The following SGCZ variants were observed in gnomAD, a reference collection of about 807,000 sequenced individuals.
SGCZ encodes the protein zeta-sarcoglycan.
Under a neutral mutation model 41.3 loss-of-function variants are expected in SGCZ, and 40 were observed. That is an observed-to-expected ratio of 0.97 (90% CI 0.75 to 1.26). The LOEUF (loss-of-function observed/expected upper bound fraction) is 1.26, where lower values mean the gene tolerates loss of function less well. Ranked by LOEUF, SGCZ falls within the 50% of genes most tolerant of loss-of-function variation. The probability of loss-of-function intolerance (pLI) is 0.00; values close to 1 mark genes in which losing one functional copy is unlikely to be tolerated. For synonymous variants in SGCZ, 206 were observed against 137.5 expected (o/e 1.50, Z -3.49); for missense variants, 552 against 369.8 (o/e 1.49, Z -4.04).
intron 2 of SGCZ, among the ~76,000 whole-genome samples, chr8:14,340,753 G>A (rs1333414122): frequency 6.6e-6 from 1 of 152,020 alleles, no homozygotes; most frequent in Non-Finnish European, 1.5e-5. Context: ...ATTCTTTTTG[G>A]AGGTAACATG....
Position 14,294,773 on chromosome 8 carries a change from T to C in SGCZ, c.336+29330A>G, listed in dbSNP as rs568589717. Among the ~76,000 whole-genome samples, 27 of 152,132 alleles carry C rather than the reference T, an allele frequency of 1.8e-4. 1 individual carries two copies. The South Asian group carries it at 5.6e-3, about 32-fold the overall frequency. On this transcript the variant is annotated intron_variant, in intron 3 of 7. Coordinates refer to ENST00000382080, the MANE Select transcript of SGCZ (RefSeq NM_139167.4). Reference sequence around the variant, plus strand: ...TGAGAAAAATATTCCAACAAAGATATCTATCATCTAAAACATAGATGTCAC... The same window carrying C: ...TGAGAAAAATATTCCAACAAAGATACCTATCATCTAAAACATAGATGTCAC...
chr8:14,593,001 G>GT (rs1805288280), intron 1 of SGCZ, among the ~76,000 whole-genome samples: 1 of 152,126 alleles, frequency 6.6e-6, no homozygotes, highest in Admixed American at 6.5e-5. Context: ...CTCTGACTTA[G>GT]TGCCTTTACA....
chr8:15,218,040 C>T (rs975993738), intron 1 of SGCZ, among the ~76,000 whole-genome samples: 8 of 152,116 alleles, frequency 5.3e-5, no homozygotes, highest in Non-Finnish European at 1.0e-4. Context: ...GGTAAACATA[C>T]ATGCAATAAA....
chr8:14,851,098 A>T (rs139079360), intron 1 of SGCZ, among the ~76,000 whole-genome samples: 3 of 152,256 alleles, frequency 2.0e-5, no homozygotes, highest in East Asian at 1.9e-4. Flanking sequence ...GGCTGGGCGC[A>T]GTGGCTCACA....
intron 2 of SGCZ, among the ~76,000 whole-genome samples, chr8:14,499,546 T>G (rs555858149): frequency 6.6e-6 from 1 of 152,208 alleles, no homozygotes; most frequent in East Asian, 1.9e-4. Context: ...TTGAATTTAT[T>G]ACAATTCATG....
intron 2 of SGCZ, among the ~76,000 whole-genome samples, chr8:14,427,029 T>C (rs1799801060): frequency 7.8e-6 from 1 of 128,804 alleles, no homozygotes; most frequent in Non-Finnish European, 1.6e-5. Flanking sequence ...CCAGTAACAT[T>C]AAATGAATGA....
At chr8:15,047,028 A>T (rs1028922238) in intron 1 of SGCZ, among the ~76,000 whole-genome samples, 5 of 152,066 alleles carry the variant, frequency 3.3e-5, no homozygotes, top group Admixed American at 6.6e-5. Flanking sequence ...AGATTTACAT[A>T]AATTAATGTA....
At chr8:14,501,759 T>C (rs941522130) in intron 2 of SGCZ, among the ~76,000 whole-genome samples, 1 of 152,044 alleles carries the variant, frequency 6.6e-6, no homozygotes, top group Non-Finnish European at 1.5e-5. Context: ...TAGCAGACTA[T>C]TCCCTCCAAA....
At chr8:14,558,109 A>C (rs1284307942) in intron 1 of SGCZ, among the ~76,000 whole-genome samples, 1 of 152,152 alleles carries the variant, frequency 6.6e-6, no homozygotes, top group Non-Finnish European at 1.5e-5. Context: ...TTCCTAGTTT[A>C]ATTCAGGAAG....
At chr8:14,522,329 T>A (rs546940216) in intron 2 of SGCZ, among the ~76,000 whole-genome samples, 2 of 152,182 alleles carry the variant, frequency 1.3e-5, no homozygotes, top group East Asian at 3.9e-4. Context: ...TGTTAATTCT[T>A]TTTTGAATAT....
chr8:15,155,341 T>A (rs904278032), intron 1 of SGCZ, among the ~76,000 whole-genome samples: 1 of 152,216 alleles, frequency 6.6e-6, no homozygotes, highest in Non-Finnish European at 1.5e-5. Context: ...TATGCTATCA[T>A]AATTATCCTG....
chr8:14,927,450 A>G (rs1171005708), intron 1 of SGCZ, among the ~76,000 whole-genome samples: 1 of 152,096 alleles, frequency 6.6e-6, no homozygotes, highest in Admixed American at 6.5e-5. Flanking sequence ...AACACTTCAA[A>G]AGTGGATTTT....
chr8:14,367,709 A>G (rs1381942660), intron 2 of SGCZ, among the ~76,000 whole-genome samples: 3 of 151,990 alleles, frequency 2.0e-5, no homozygotes, highest in Non-Finnish European at 4.4e-5. Context: ...ACTCCCTATC[A>G]CGGGAATATC....
At chr8:14,393,702 G>A (rs1048724764) in intron 2 of SGCZ, among the ~76,000 whole-genome samples, 44 of 152,096 alleles carry the variant, frequency 2.9e-4, no homozygotes, top group African/African-American at 1.0e-3. Flanking sequence ...TTCCTCCTGT[G>A]CCCATGTTCT....
In SGCZ at chr8:14,752,560, C is replaced by T. The variant is rs541193654; in HGVS notation, c.40-197634G>A. ...TTGGTCTATAAGCTCTGTGACAGTA[C>T]GCACTCTCCTGTACATCACCATATT... On this transcript the variant is annotated intron_variant, in intron 1 of 7. Transcript: ENST00000382080. 5.9e-5 allele frequency among the ~76,000 whole-genome samples: 9 copies of T among 152,184 alleles called. No homozygotes were observed. The South Asian group carries it at 6.2e-4, about 11-fold the overall frequency.
intron 1 of SGCZ, among the ~76,000 whole-genome samples, chr8:14,852,680 T>A (rs1803376004): frequency 6.6e-6 from 1 of 152,210 alleles, no homozygotes; most frequent in African/African-American, 2.4e-5. Flanking sequence ...CCATTTTTGT[T>A]CATATTTAGT....
At chr8:14,468,285 A>G (rs573313793) in intron 2 of SGCZ, among the ~76,000 whole-genome samples, 1 of 152,202 alleles carries the variant, frequency 6.6e-6, no homozygotes, top group Admixed American at 6.6e-5. Flanking sequence ...TAGATCCTTC[A>G]AATAAATTAG....
chr8:15,146,538 C>A (rs1054300795), intron 1 of SGCZ, among the ~76,000 whole-genome samples: 3 of 152,176 alleles, frequency 2.0e-5, no homozygotes, highest in African/African-American at 7.2e-5. Flanking sequence ...CTGTACCTGG[C>A]AGGAGGCCAA....
At position 14,090,220 on chromosome 8, in the gene SGCZ, C is replaced by T. The variant is rs117749458; in HGVS notation, c.*223G>A. On this transcript the variant is annotated 3_prime_UTR_variant, in exon 8 of 8. Coordinates refer to ENST00000382080, the MANE Select transcript of SGCZ (RefSeq NM_139167.4). The stretch of plus-strand genomic sequence containing the variant: ...GAGCAAAAGTCATGATCCAGTTTTC[C>T]TGCTGACGACGCTTTTTCCACTGCT... 0.02 allele frequency: 7,580 copies of T among 386,510 alleles called. 121 individuals carry two copies. Among genetic ancestry groups the T allele is most frequent in the Middle Eastern group, 0.057 (79 of 1,398 alleles). 23.9% of individuals were successfully genotyped at this position (386,510 alleles called of 1,614,324 possible). A position where few individuals can be genotyped will look rare whatever the true frequency, so the allele number is the denominator to read the frequency against.
Sources: allele counts gnomAD v4.1 joint callset (sites outside exome capture counted in the v4.1 genomes callset), GRCh38; gene constraint gnomAD v4.1.1; transcripts MANE v1.5; gene names NCBI Gene and HGNC (gene_info 2026-07-23, HGNC 2026-07-21).